Variants in PPP3CB observed in about 807,000 individuals in gnomAD.
PPP3CB encodes protein phosphatase 3 catalytic subunit beta, also known as serine/threonine-protein phosphatase 2B catalytic subunit beta isoform.
In PPP3CB, 8 loss-of-function variants were observed where a neutral mutation model predicts 66.4. The ratio of observed to expected loss-of-function variants is 0.12; its 90% confidence interval spans 0.07 to 0.22. PPP3CB has a LOEUF of 0.22. PPP3CB is among the 10% of genes least tolerant of loss of function. The pLI is 1.00. For synonymous variants in PPP3CB, 208 were observed against 221.2 expected, an observed-to-expected ratio of 0.94 and a Z score of 0.53; for missense variants, 319 against 642.5, an observed-to-expected ratio of 0.50 and a Z score of 5.44.
rs1564545041 is a variant in PPP3CB, at chr10:73,438,405, G to A, written c.1412C>T (p.Ser471Phe). The A allele has an allele frequency of 1.2e-6, 2 of 1,610,916 alleles. No individual in the cohort carries two copies. Among genetic ancestry groups the A allele is most frequent in the Non-Finnish European group, 8.5e-7 (1 of 1,177,202 alleles). ...AAAACTGCAGATTCTATGTGGTGGA[G>A]AGAATCCTCGTATTGCTTAATAAAA... ...IEAEKAIRGF[S>F]PPHRICSFEE... is the part of the protein sequence containing the mutation. Residue 471 changes from serine (S) to phenylalanine (F), a missense_variant, in exon 14 of 14, where the codon TCT becomes TTT. Transcript: ENST00000360663.
chr10:73,475,998 A>G (rs944995402), intron 3 of PPP3CB, among the ~76,000 whole-genome samples: 3 of 151,378 alleles, frequency 2.0e-5, no homozygotes, highest in Non-Finnish European at 4.4e-5. Flanking sequence ...CTGGGACTAC[A>G]GGCACATGCC....
At chr10:73,493,591 C>T (rs1440768467) in intron 1 of PPP3CB, among the ~76,000 whole-genome samples, 2 of 152,236 alleles carry the variant, frequency 1.3e-5, no homozygotes, top group African/African-American at 4.8e-5. Flanking sequence ...CCAGTAAATG[C>T]AGGAGACTCC....
At chr10:73,469,043 C>T (rs1291691221) in intron 8 of PPP3CB, among the ~76,000 whole-genome samples, 1 of 152,156 alleles carries the variant, frequency 6.6e-6, no homozygotes, top group African/African-American at 2.4e-5. Flanking sequence ...TTTGATAAGA[C>T]AGTCAATGGT....
At chr10:73,493,558 G>A (rs548229348) in intron 1 of PPP3CB, among the ~76,000 whole-genome samples, 3 of 152,184 alleles carry the variant, frequency 2.0e-5, no homozygotes, top group Non-Finnish European at 4.4e-5. Context: ...TGAATTTCTG[G>A]ATCTGTAAGA....
intron 9 of PPP3CB, among the ~76,000 whole-genome samples, chr10:73,461,478 C>A (rs2056520345): frequency 6.6e-6 from 1 of 152,086 alleles, no homozygotes; most frequent in African/African-American, 2.4e-5. Context: ...TTAATGACTG[C>A]CTGCTGGGTT....
At chr10:73,479,629 T>C in intron 1 of PPP3CB, 112 bp from the exon 2 acceptor site, 1 of 1,036,342 alleles carries the variant, frequency 9.6e-7, no homozygotes. Context: ...TTTTTCTTTC[T>C]TCTTCATTTA....
At chr10:73,485,181 TGAAGG>T (rs2056951494) in intron 1 of PPP3CB, among the ~76,000 whole-genome samples, 1 of 152,216 alleles carries the variant, frequency 6.6e-6, no homozygotes, top group South Asian at 2.1e-4. Flanking sequence ...AATTTTGACA[TGAAGG>T]GCATCTCTAT....
At chr10:73,442,416 G>A (rs548745616) in intron 12 of PPP3CB, among the ~76,000 whole-genome samples, 6 of 152,326 alleles carry the variant, frequency 3.9e-5, no homozygotes, top group African/African-American at 1.2e-4. Flanking sequence ...GTTTGCTGCG[G>A]ATACAATATA....
chr10:73,465,268 G>T (rs1704872160), intron 9 of PPP3CB, among the ~76,000 whole-genome samples: 1 of 152,026 alleles, frequency 6.6e-6, no homozygotes, highest in African/African-American at 2.4e-5. Context: ...TCTAGGCTGG[G>T]GTGCAGTGGC....
intron 9 of PPP3CB, among the ~76,000 whole-genome samples, 183 bp from the exon 10 acceptor site, chr10:73,454,672 A>T (rs1262018502): frequency 6.6e-6 from 1 of 152,116 alleles, no homozygotes; most frequent in African/African-American, 2.4e-5. Flanking sequence ...TTCAGTGGAT[A>T]ACAACTCTGA....
chr10:73,443,330 A>AAGAAAGAAAGAAAGAAAGAG (rs1458015567), intron 12 of PPP3CB, among the ~76,000 whole-genome samples: 4 of 138,008 alleles, frequency 2.9e-5, no homozygotes, highest in Non-Finnish European at 1.6e-5. Context: ...GAAAGAAAGA[A>AAGAAAGAAAGAAAGAAAGAG]AAAGAAAGAG....
Position 73,437,427 on chromosome 10 carries a change from CAA to C in PPP3CB, c.*813_*814del, listed in dbSNP as rs1243016194. The C allele has an allele frequency of 4.6e-5, 7 of 152,590 alleles. No homozygotes were observed. The highest frequency in any genetic ancestry group is 8.8e-5 in the Non-Finnish European group (6 of 68,034). 9.5% of individuals were successfully genotyped at this position (152,590 alleles called of 1,614,324 possible). A position where few individuals can be genotyped will look rare whatever the true frequency, so the allele number is the denominator to read the frequency against. ...GAAAACATGCATACACAAAATACGTCAAGTTTTACAGACATGATTTGAATTAA... is the reference window on the plus strand; with the variant it reads ...GAAAACATGCATACACAAAATACGTCGTTTTACAGACATGATTTGAATTAA... On this transcript the variant is annotated 3_prime_UTR_variant, in exon 14 of 14. Coordinates refer to ENST00000360663, the MANE Select transcript of PPP3CB (RefSeq NM_021132.4).
intron 9 of PPP3CB, among the ~76,000 whole-genome samples, chr10:73,466,785 G>A (rs765239206): frequency 1.3e-5 from 2 of 152,028 alleles, no homozygotes; most frequent in Non-Finnish European, 2.9e-5. Context: ...AAAAATAGAG[G>A]GGGATACTGA....
In PPP3CB at chr10:73,454,497, G is replaced by T; in HGVS notation, c.1109-8C>A. ...TTACCAACATTTCTGTCACTATTTG[G>T]GAAAAAAAAGTTACATGTTAGCTGA... On this transcript the variant is annotated splice_region_variant and splice_polypyrimidine_tract_variant and intron_variant, in intron 9 of 13. Coordinates refer to ENST00000360663, the MANE Select transcript of PPP3CB (RefSeq NM_021132.4). 6.2e-7 allele frequency: 1 copy of T among 1,600,688 alleles called. No individual in the cohort carries two copies. The highest frequency in any genetic ancestry group is 1.1e-5 in the South Asian group (1 of 89,954).
intron 1 of PPP3CB, among the ~76,000 whole-genome samples, chr10:73,483,681 A>G (rs1267961151): frequency 6.6e-6 from 1 of 152,078 alleles, no homozygotes; most frequent in Non-Finnish European, 1.5e-5. Flanking sequence ...AAATAAAATA[A>G]ATTTTAATTT....
intron 9 of PPP3CB, among the ~76,000 whole-genome samples, chr10:73,463,862 C>T (rs1196911401): frequency 6.6e-6 from 1 of 151,998 alleles, no homozygotes; most frequent in African/African-American, 2.4e-5. Context: ...GTCTCGATCT[C>T]CTGACCTCGC....
chr10:73,466,539 T>A (rs942675671), intron 9 of PPP3CB, among the ~76,000 whole-genome samples: 2 of 152,182 alleles, frequency 1.3e-5, no homozygotes, highest in African/African-American at 2.4e-5. Flanking sequence ...GTGTAATGCA[T>A]CCCTTGCACC....
intron 1 of PPP3CB, among the ~76,000 whole-genome samples, chr10:73,489,626 T>G (rs1193976107): frequency 6.6e-6 from 1 of 152,182 alleles, no homozygotes; most frequent in Non-Finnish European, 1.5e-5. Flanking sequence ...TATTAAGTAG[T>G]AGAGCTAGGA....
At chr10:73,471,370 T>C in intron 5 of PPP3CB, 98 bp downstream of exon 5, 2 of 1,387,902 alleles carry the variant, frequency 1.4e-6, no homozygotes, top group Admixed American at 2.3e-5. Flanking sequence ...TTTTTACTAT[T>C]ACCTAATCTT....
Sources: gnomAD v4.1 joint callset for allele counts (sites outside exome capture counted in the v4.1 genomes callset) on GRCh38, gnomAD v4.1.1 for gene constraint, MANE v1.5 for transcripts, NCBI Gene and HGNC (gene_info 2026-07-23, HGNC 2026-07-21) for gene names.